Variants in ITGB2 observed in about 807,000 individuals in gnomAD.
ITGB2 encodes integrin beta-2.
In ITGB2, 56 loss-of-function variants were observed where a neutral mutation model predicts 86.8. The observed-to-expected ratio is 0.65, with a 90% CI of 0.52 to 0.81. The LOEUF (loss-of-function observed/expected upper bound fraction) is 0.81. Ranked by LOEUF, ITGB2 falls within the 30% of genes least tolerant of loss-of-function variation. The pLI is 0.00. For missense variants in ITGB2, 948 were observed against 1,061.2 expected, an observed-to-expected ratio of 0.89 and a Z score of 1.48; for synonymous variants, 457 against 450.4, an observed-to-expected ratio of 1.01 and a Z score of -0.19.
intron 8 of ITGB2, among the ~76,000 whole-genome samples, chr21:44,897,401 A>G (rs534751534): frequency 1.3e-5 from 2 of 152,152 alleles, no homozygotes; most frequent in African/African-American, 4.8e-5. Context: ...GGCAGGGGGA[A>G]GAGGGGGCCC....
At chr21:44,911,294 A>G in intron 1 of ITGB2, 1 of 210,386 alleles carries the variant, frequency 4.8e-6, no homozygotes, top group Non-Finnish European at 9.8e-6. Flanking sequence ...ACACATACAC[A>G]CCACACAGAC....
chr21:44,894,858 C>T (rs1414653655), intron 9 of ITGB2, 113 bp downstream of exon 9: 3 of 801,822 alleles, frequency 3.7e-6, no homozygotes, highest in African/African-American at 3.4e-5. Flanking sequence ...GCCCACGGGG[C>T]AGGGGCTTTC....
intron 8 of ITGB2, among the ~76,000 whole-genome samples, chr21:44,896,513 C>G (rs1601295522): frequency 6.6e-6 from 1 of 152,180 alleles, no homozygotes; most frequent in African/African-American, 2.4e-5. Flanking sequence ...CCTCCCCGCC[C>G]AAACCCTCCC....
intron 4 of ITGB2, among the ~76,000 whole-genome samples, chr21:44,905,702 C>G (rs1316365835): frequency 6.6e-6 from 1 of 152,180 alleles, no homozygotes; most frequent in Non-Finnish European, 1.5e-5. Context: ...AGGCCTGACC[C>G]TACCACCAGG....
chr21:44,888,001 G>A (rs2083724338), intron 14 of ITGB2, among the ~76,000 whole-genome samples: 2 of 152,372 alleles, frequency 1.3e-5, no homozygotes, highest in African/African-American at 2.4e-5. Context: ...TCAGGAGCCT[G>A]TGGAACATGA....
intron 11 of ITGB2, among the ~76,000 whole-genome samples, chr21:44,890,859 G>A (rs371066634): frequency 5.3e-5 from 8 of 152,070 alleles, no homozygotes; most frequent in African/African-American, 1.7e-4. Context: ...TGTTCCGACT[G>A]AGTCACCCCT....
chr21:44,894,562 C>A, intron 9 of ITGB2: 1 of 311,582 alleles, frequency 3.2e-6, no homozygotes, highest in Non-Finnish European at 6.4e-6. Context: ...GACAGGTGAA[C>A]AGAGCAAGAG....
intron 1 of ITGB2, 131 bp from the exon 2 acceptor site, chr21:44,910,916 G>T: frequency 1.1e-6 from 1 of 897,120 alleles, no homozygotes; most frequent in Non-Finnish European, 1.7e-6. Flanking sequence ...GTGGGTTAGG[G>T]TCAGGCCAGC....
chr21:44,890,322 C>A (rs1328160767), intron 11 of ITGB2, 100 bp from the exon 12 acceptor site: 2 of 1,480,674 alleles, frequency 1.4e-6, no homozygotes, highest in Non-Finnish European at 9.3e-7. Flanking sequence ...GTGGAGAACA[C>A]CCCTATGGCA....
chr21:44,908,370 CA>C (rs77700693), intron 3 of ITGB2, among the ~76,000 whole-genome samples: 25,369 of 151,944 alleles, frequency 0.17, 2,260 homozygotes, highest in Admixed American at 0.24. Context: ...ACCTTGGCGC[CA>C]CCACCCGGCC....
intron 4 of ITGB2, among the ~76,000 whole-genome samples, chr21:44,904,620 C>T (rs2084015340): frequency 6.6e-6 from 1 of 151,766 alleles, no homozygotes; most frequent in Admixed American, 6.6e-5. Flanking sequence ...AAACACACCA[C>T]ATGCACGCAC....
chr21:44,892,585 A>G (rs987202789), intron 10 of ITGB2, among the ~76,000 whole-genome samples: 3 of 139,282 alleles, frequency 2.2e-5, no homozygotes, highest in Non-Finnish European at 3.0e-5. Flanking sequence ...AGCCTGGGCG[A>G]CAGAGCGAAA....
At chr21:44,891,278 C>T (rs1179118616) in intron 11 of ITGB2, among the ~76,000 whole-genome samples, 1 of 152,170 alleles carries the variant, frequency 6.6e-6, no homozygotes, top group African/African-American at 2.4e-5. Flanking sequence ...AGGGGGTGTG[C>T]ACGCCCAAGA....
intron 1 of ITGB2, among the ~76,000 whole-genome samples, chr21:44,913,743 C>G (rs934669404): frequency 6.6e-6 from 1 of 152,200 alleles, no homozygotes; most frequent in African/African-American, 2.4e-5. Flanking sequence ...CCAGGATGGC[C>G]CACGGAGGTC....
Position 44,888,778 on chromosome 21 carries a change from C to G in ITGB2, c.1995G>C (p.Arg665Ser). 1 of 1,612,196 alleles carries G rather than the reference C, an allele frequency of 6.2e-7. No individual in the cohort carries two copies. Among genetic ancestry groups the G allele is most frequent in the Non-Finnish European group, 8.5e-7 (1 of 1,179,996 alleles). ...AGGCCACCCAGCAGCCCTCTGAGTC[C>G]CTCTCCTTGCAGGTCCTGCCCTTCA... ...NPVKGRTCKE[R>S]DSEGCWVAYT... Residue 665 changes from arginine (R) to serine (S), a missense_variant, in exon 14 of 16, where the codon AGG (arginine) becomes AGC (serine). Physicochemically the swap from Arg to Ser is moderately radical, Grantham distance 110. Coordinates refer to ENST00000652462, the MANE Select transcript of ITGB2 (RefSeq NM_000211.5).
At chr21:44,889,158 C>T (rs1351710947) in intron 13 of ITGB2, 118 bp downstream of exon 13, 56 of 1,015,434 alleles carry the variant, frequency 5.5e-5, no homozygotes, top group Admixed American at 7.7e-5. Flanking sequence ...CAGACGCACC[C>T]GCAGAGAACC....
intron 14 of ITGB2, 133 bp from the exon 15 acceptor site, chr21:44,887,035 A>C: frequency 2.8e-6 from 3 of 1,060,852 alleles, no homozygotes; most frequent in Non-Finnish European, 4.2e-6. Flanking sequence ...CTCACCATCC[A>C]TCACCATGGC....
chr21:44,887,059 G>A (rs1230961242), intron 14 of ITGB2, among the ~76,000 whole-genome samples, 157 bp from the exon 15 acceptor site: 1 of 152,194 alleles, frequency 6.6e-6, no homozygotes, highest in Admixed American at 6.5e-5. Context: ...GGGTCAGTGA[G>A]AACCTGGCCC....
Position 44,891,951 on chromosome 21 carries a change from G to A in ITGB2, c.1270C>T (p.Gln424Ter). 1.2e-6 allele frequency: 2 copies of A among 1,613,314 alleles called. No homozygotes were observed. The highest frequency in any genetic ancestry group is 8.5e-7 in the Non-Finnish European group (1 of 1,180,004). The change falls in exon 11 of 16, where the codon CAG (glutamine) becomes TAG (stop). Residue 424 changes from glutamine to a stop codon, truncating the protein, a stop_gained. Coordinates refer to ENST00000652462, the MANE Select transcript of ITGB2 (RefSeq NM_000211.5). LOFTEE classifies it high-confidence loss of function. The part of the protein sequence containing the change: ...KVTATECIQE[Q>*]SFVIRALGFT... The stretch of plus-strand genomic sequence containing the variant: ...CCCAGCGCCCGGATGACAAACGACT[G>A]CTCCTGGATGCACTCTGTGGCCGTG...
Sources: allele counts gnomAD v4.1 joint callset (sites outside exome capture counted in the v4.1 genomes callset), GRCh38; gene constraint gnomAD v4.1.1; transcripts MANE v1.5; gene names NCBI Gene and HGNC (gene_info 2026-07-23, HGNC 2026-07-21).